The following SRBD1 variants were observed in gnomAD, a reference collection of about 807,000 sequenced individuals.
SRBD1 encodes S1 RNA-binding domain-containing protein 1.
In SRBD1, 88 loss-of-function variants were observed where a neutral mutation model predicts 115.3. The observed-to-expected ratio is 0.76, with a 90% CI of 0.64 to 0.91. The LOEUF is 0.91. SRBD1 is among the 40% of genes least tolerant of loss of function. SRBD1 has a pLI of 0.00. For missense variants in SRBD1, 1,385 were observed against 1,177.4 expected (o/e 1.18, Z -2.58); for synonymous variants, 509 against 407.7 (o/e 1.25, Z -2.99).
intron 11 of SRBD1, 63 bp from the exon 12 acceptor site, chr2:45,551,345 GC>G (rs1672293949): frequency 6.8e-7 from 1 of 1,464,508 alleles, no homozygotes; most frequent in African/African-American, 1.4e-5. Flanking sequence ...CAGAAAAGGA[GC>G]AGAATTCATT....
chr2:45,597,249 T>C (rs1673931549), intron 4 of SRBD1, among the ~76,000 whole-genome samples: 2 of 151,968 alleles, frequency 1.3e-5, no homozygotes, highest in African/African-American at 4.8e-5. Flanking sequence ...TGAAACCGTG[T>C]CTCTACTAAA....
rs576534129 is a variant in SRBD1 at position 45,430,435 on chromosome 2, C to T, written c.2050-10541G>A. Reference sequence around the variant, plus strand: ...TAACCAAAACAGCATGGTACTGGTACCAAAACAAATATATAGACCAATGGA... The same window carrying T: ...TAACCAAAACAGCATGGTACTGGTATCAAAACAAATATATAGACCAATGGA... On this transcript the variant is annotated intron_variant, in intron 16 of 20. Transcript: ENST00000263736. 1.4e-4 allele frequency among the ~76,000 whole-genome samples: 21 copies of T among 152,178 alleles called. No homozygotes were observed. The South Asian group carries it at 4.4e-3, about 32-fold the overall frequency.
chr2:45,480,906 T>A (rs548915694), intron 15 of SRBD1, among the ~76,000 whole-genome samples: 3 of 152,196 alleles, frequency 2.0e-5, no homozygotes, highest in African/African-American at 7.2e-5. Context: ...CAGCATCACA[T>A]GCTACAGAGA....
intron 16 of SRBD1, among the ~76,000 whole-genome samples, chr2:45,464,681 C>T (rs976459662): frequency 1.3e-5 from 2 of 152,010 alleles, no homozygotes; most frequent in Admixed American, 1.3e-4. Context: ...TCAACTAAAC[C>T]CAAGGGCTTG....
chr2:45,419,669 C>T lies in SRBD1; in HGVS notation c.2156+119G>A, dbSNP rs1455357534. The T allele has an allele frequency of 5.2e-6, 4 of 764,740 alleles. No individual in the cohort carries two copies. In the African/African-American group the frequency reaches 6.9e-5, roughly 13 times the overall value. The allele number at this position is 764,740 out of a possible 1,614,324, so 47.4% of individuals were successfully genotyped here. Reference sequence around the variant, plus strand: ...CTGATTACTTAAAGCAATGTATAAACCCATAGACGTTCTCTACTTGACAAC... The same window carrying T: ...CTGATTACTTAAAGCAATGTATAAATCCATAGACGTTCTCTACTTGACAAC... On this transcript the variant is annotated intron_variant, in intron 17 of 20. Coordinates refer to ENST00000263736, the MANE Select transcript of SRBD1 (RefSeq NM_018079.5).
chr2:45,538,592 A>T (rs1269637542), intron 14 of SRBD1, among the ~76,000 whole-genome samples: 1 of 152,222 alleles, frequency 6.6e-6, no homozygotes, highest in Non-Finnish European at 1.5e-5. Context: ...AATAACTAAG[A>T]GGGACTGAAA....
At chr2:45,413,064 A>G (rs760450484) in intron 19 of SRBD1, 50 bp downstream of exon 19, 4 of 1,553,410 alleles carry the variant, frequency 2.6e-6, no homozygotes, top group African/African-American at 1.4e-5. Flanking sequence ...CATTTGCTGT[A>G]AAGAACTCAC....
chr2:45,605,385 ATC>A lies in SRBD1; in HGVS notation c.55_56del (p.Asp19Ter), dbSNP rs1219382321. 3 of 1,613,554 alleles carry A rather than the reference ATC, an allele frequency of 1.9e-6. No individual in the cohort carries two copies. Among genetic ancestry groups the A allele is most frequent in the Admixed American group, 1.7e-5 (1 of 59,984 alleles). On this transcript the variant is annotated frameshift_variant, in exon 2 of 21. Transcript: ENST00000263736. LOFTEE classifies it high-confidence loss of function. ...ACAACTCAGAGAATGAAGAAAATTCATCTTTCAGTACCACATCCTGGACCTGT... is the reference window on the plus strand; with the variant it reads ...ACAACTCAGAGAATGAAGAAAATTCATTTCAGTACCACATCCTGGACCTGT... The part of the protein sequence containing the change: ...KVQVQDVVLK[D>X]EFSSFSELSS...
intron 14 of SRBD1, among the ~76,000 whole-genome samples, chr2:45,509,668 A>G (rs955919066): frequency 1.0e-4 from 15 of 150,684 alleles, no homozygotes; most frequent in African/African-American, 3.2e-4. Flanking sequence ...ACTAAAGGTC[A>G]TATTTTCCCT....
intron 14 of SRBD1, among the ~76,000 whole-genome samples, chr2:45,537,136 GAC>G (rs1462807325): frequency 2.0e-5 from 3 of 152,084 alleles, no homozygotes; most frequent in African/African-American, 7.2e-5. Flanking sequence ...AGGCTCATAC[GAC>G]ACAGAAAAAT....
chr2:45,523,235 C>T (rs1418118108), intron 14 of SRBD1, among the ~76,000 whole-genome samples: 3 of 129,588 alleles, frequency 2.3e-5, no homozygotes, highest in Admixed American at 2.3e-4. Context: ...AAAGAAGAAA[C>T]ATCTTAAATC....
At chr2:45,444,922 C>CA (rs1668776281) in intron 16 of SRBD1, among the ~76,000 whole-genome samples, 1 of 152,214 alleles carries the variant, frequency 6.6e-6, no homozygotes, top group African/African-American at 2.4e-5. Flanking sequence ...AAGAATGATG[C>CA]AAAATTTCTT....
At chr2:45,462,141 A>G (rs1669335774) in intron 16 of SRBD1, among the ~76,000 whole-genome samples, 1 of 152,246 alleles carries the variant, frequency 6.6e-6, no homozygotes, top group Non-Finnish European at 1.5e-5. Flanking sequence ...ATTTCTACAG[A>G]GCTAGGCTTT....
intron 14 of SRBD1, among the ~76,000 whole-genome samples, chr2:45,494,961 G>C (rs1485766698): frequency 1.3e-5 from 2 of 152,048 alleles, no homozygotes; most frequent in African/African-American, 4.8e-5. Context: ...TTTCAAAAAA[G>C]ATGATCATTT....
intron 14 of SRBD1, among the ~76,000 whole-genome samples, chr2:45,514,838 A>G (rs1400827597): frequency 6.6e-6 from 1 of 152,130 alleles, no homozygotes; most frequent in African/African-American, 2.4e-5. Flanking sequence ...ATTACTAACA[A>G]CTTCCTTATA....
At chr2:45,453,533 T>A (rs1669060696) in intron 16 of SRBD1, among the ~76,000 whole-genome samples, 2 of 151,890 alleles carry the variant, frequency 1.3e-5, no homozygotes, top group Non-Finnish European at 2.9e-5. Flanking sequence ...ATCACTAAAT[T>A]TAACTTCATT....
intron 16 of SRBD1, among the ~76,000 whole-genome samples, chr2:45,444,843 G>T (rs112440751): frequency 7.7e-4 from 118 of 152,298 alleles, no homozygotes; most frequent in African/African-American, 2.4e-3. Flanking sequence ...CTGGCCCTGT[G>T]ACCACTCAAC....
intron 16 of SRBD1, among the ~76,000 whole-genome samples, chr2:45,471,181 T>C (rs941615410): frequency 6.6e-6 from 1 of 152,146 alleles, no homozygotes; most frequent in Non-Finnish European, 1.5e-5. Context: ...TTTTTCCTAA[T>C]ACATATTCAC....
chr2:45,585,894 T>G, intron 4 of SRBD1, 120 bp from the exon 5 acceptor site: 1 of 750,470 alleles, frequency 1.3e-6, no homozygotes, highest in Non-Finnish European at 1.9e-6. Context: ...CTTGCTATAG[T>G]TTTTTAAAAA....
Sources: gnomAD v4.1 joint callset for allele counts (sites outside exome capture counted in the v4.1 genomes callset) on GRCh38, gnomAD v4.1.1 for gene constraint, MANE v1.5 for transcripts, NCBI Gene and HGNC (gene_info 2026-07-23, HGNC 2026-07-21) for gene names.